Variants in REV3L observed in about 807,000 individuals in gnomAD.
The protein encoded by REV3L is REV3 like, DNA directed polymerase zeta catalytic subunit.
REV3L carries 69 observed loss-of-function variants against 299.4 expected under a neutral mutation model. That is an observed-to-expected ratio of 0.23 (90% CI 0.19 to 0.28). The LOEUF is 0.28. Among genes scored for constraint, REV3L ranks in the 10% least tolerant of loss-of-function variants. The probability of loss-of-function intolerance (pLI) is 1.00; values close to 1 mark genes in which losing one functional copy is unlikely to be tolerated. For missense variants in REV3L, 3,128 were observed against 3,693.8 expected (o/e 0.85, Z 3.97); for synonymous variants, 1,238 against 1,271.4 (o/e 0.97, Z 0.56).
rs899375384 is a variant in REV3L, at chr6:111,362,529, T to TA, written c.6879+1323dup. 7.2e-5 allele frequency among the ~76,000 whole-genome samples: 11 copies of TA among 152,214 alleles called. 1 individual carries two copies. Among genetic ancestry groups the TA allele is most frequent in the Admixed American group, 5.2e-4 (8 of 15,280 alleles). ...AATATAATGAAAGTCACATGTAACT[T>TA]AAAGTTTTCTAGTAGTCACATTTAA... On this transcript the variant is annotated intron_variant, in intron 16 of 31. Transcript: ENST00000368802.
intron 25 of REV3L, among the ~76,000 whole-genome samples, chr6:111,325,318 T>C (rs1201779010): frequency 1.3e-5 from 2 of 152,214 alleles, no homozygotes; most frequent in Non-Finnish European, 2.9e-5. Context: ...ACTGTCAACA[T>C]ATAAAAATTT....
intron 9 of REV3L, among the ~76,000 whole-genome samples, chr6:111,385,914 GAGC>G (rs2128249785): frequency 6.6e-6 from 1 of 152,254 alleles, no homozygotes; most frequent in Non-Finnish European, 1.5e-5. Context: ...CAAAGAATCA[GAGC>G]AGCAAATTTT....
At chr6:111,313,549 A>G in intron 27 of REV3L, 60 bp from the exon 28 acceptor site, 3 of 1,491,930 alleles carry the variant, frequency 2.0e-6, no homozygotes, top group Non-Finnish European at 2.7e-6. Flanking sequence ...AGAATGTTTT[A>G]TTTTTATGTC....
At chr6:111,444,798 C>T (rs1395072577) in intron 1 of REV3L, among the ~76,000 whole-genome samples, 1 of 152,134 alleles carries the variant, frequency 6.6e-6, no homozygotes, top group African/African-American at 2.4e-5. Flanking sequence ...GAAAAAAATG[C>T]CAGGGCTATA....
At chr6:111,476,759 G>C (rs1226071141) in intron 1 of REV3L, among the ~76,000 whole-genome samples, 1 of 152,114 alleles carries the variant, frequency 6.6e-6, no homozygotes, top group East Asian at 1.9e-4. Context: ...TTTAATTTAT[G>C]AATCATTTTG....
intron 20 of REV3L, among the ~76,000 whole-genome samples, chr6:111,345,350 T>G (rs913539381): frequency 6.6e-6 from 1 of 152,180 alleles, no homozygotes; most frequent in African/African-American, 2.4e-5. Flanking sequence ...TCAAATATAT[T>G]AATTAGCTGG....
chr6:111,373,793 C>T lies in REV3L; in HGVS notation c.4562G>A (p.Gly1521Asp). Reference protein sequence around the residue: ...NRNVSTPSAFGEGQSGLAVLK... With the variant: ...NRNVSTPSAFDEGQSGLAVLK... ...AACTGCCAGTCCAGACTGTCCTTCA[C>T]CAAATGCTGAAGGTGTTGACACATT... The change falls in exon 13 of 32, where the codon GGT becomes GAT. Residue 1521 changes from glycine (G) to aspartate (D), a missense_variant. Gly to Asp is a moderately conservative substitution (Grantham distance 94). Transcript: ENST00000368802. The T allele has an allele frequency of 6.2e-7, 1 of 1,614,086 alleles. No individual in the cohort carries two copies. The highest frequency in any genetic ancestry group is 1.7e-5 in the Admixed American group (1 of 60,014).
intron 1 of REV3L, among the ~76,000 whole-genome samples, chr6:111,471,590 G>A (rs1792218063): frequency 6.6e-6 from 1 of 152,150 alleles, no homozygotes; most frequent in Non-Finnish European, 1.5e-5. Flanking sequence ...CCAGACATTA[G>A]CTGGTTATCT....
intron 25 of REV3L, 119 bp from the exon 26 acceptor site, chr6:111,322,797 G>C (rs566199496): frequency 1.4e-6 from 1 of 739,046 alleles, no homozygotes; most frequent in Non-Finnish European, 2.2e-6. Flanking sequence ...AGAAAAGAAC[G>C]TAAAAAAGAA....
chr6:111,369,395 G>A (rs939200146), intron 13 of REV3L, among the ~76,000 whole-genome samples: 1 of 151,058 alleles, frequency 6.6e-6, no homozygotes, highest in Non-Finnish European at 1.5e-5. Flanking sequence ...CTCCTAATAT[G>A]TATCAAGAGC....
At chr6:111,385,346 ATC>A (rs1185489900) in intron 9 of REV3L, among the ~76,000 whole-genome samples, 1 of 152,140 alleles carries the variant, frequency 6.6e-6, no homozygotes, top group Admixed American at 6.5e-5. Context: ...CTGTATAAAA[ATC>A]TCTCATGTAC....
intron 1 of REV3L, among the ~76,000 whole-genome samples, chr6:111,459,270 C>T (rs1166977907): frequency 6.6e-6 from 1 of 152,084 alleles, no homozygotes. Flanking sequence ...TCACCATATA[C>T]AAAAATTAAC....
At chr6:111,305,794 C>T (rs746409890) in intron 31 of REV3L, among the ~76,000 whole-genome samples, 5 of 151,762 alleles carry the variant, frequency 3.3e-5, no homozygotes, top group South Asian at 4.2e-4. Context: ...CTCATTTAGG[C>T]GTCATACTAG....
rs757404047 is a variant in REV3L, at chr6:111,358,793, G to A, written c.7072+29C>T. The stretch of plus-strand genomic sequence containing the variant: ...TAAAACATTCACCCTAGAGTGGGCA[G>A]GTATATCATTAATAAAAATGGACAA... On this transcript the variant is annotated intron_variant, in intron 17 of 31. Coordinates refer to ENST00000368802, the MANE Select transcript of REV3L (RefSeq NM_001372078.1). 5.2e-6 allele frequency: 8 copies of A among 1,545,478 alleles called. No individual in the cohort carries two copies. In the African/African-American group the frequency reaches 6.8e-5, roughly 13 times the overall value.
upstream of REV3L, chr6:111,483,523 G>C (rs1377330935): frequency 5.8e-6 from 3 of 518,140 alleles, no homozygotes; most frequent in Non-Finnish European, 1.1e-5. Flanking sequence ...AGGGGCTTGC[G>C]GGAGGGGGGC....
intron 24 of REV3L, 101 bp downstream of exon 24, chr6:111,331,575 G>A (rs986055067): frequency 1.5e-6 from 1 of 662,972 alleles, no homozygotes; most frequent in Middle Eastern, 2.6e-4. Context: ...AGCAAACTCG[G>A]TGTTTTTGTT....
At chr6:111,413,722 T>G (rs1247614401) in intron 2 of REV3L, among the ~76,000 whole-genome samples, 1 of 151,942 alleles carries the variant, frequency 6.6e-6, no homozygotes, top group African/African-American at 2.4e-5. Flanking sequence ...AAAAGAAAAC[T>G]GCAATGAAAA....
intron 16 of REV3L, among the ~76,000 whole-genome samples, 192 bp from the exon 17 acceptor site, chr6:111,359,206 T>C (rs1185396245): frequency 6.6e-6 from 1 of 152,132 alleles, no homozygotes; most frequent in African/African-American, 2.4e-5. Context: ...TTAAATCAAT[T>C]CATGATGTTA....
chr6:111,436,288 A>G (rs1212153397), intron 1 of REV3L, among the ~76,000 whole-genome samples: 1 of 152,180 alleles, frequency 6.6e-6, no homozygotes, highest in Non-Finnish European at 1.5e-5. Context: ...TATAAACCCA[A>G]AAGAAAATCA....
Sources: allele counts gnomAD v4.1 joint callset (sites outside exome capture counted in the v4.1 genomes callset), GRCh38; gene constraint gnomAD v4.1.1; transcripts MANE v1.5; gene names NCBI Gene and HGNC (gene_info 2026-07-23, HGNC 2026-07-21).